Variants in CD163L1 observed in about 807,000 individuals in gnomAD.
CD163L1 encodes CD163 molecule like 1, also known as scavenger receptor cysteine-rich type 1 protein M160.
CD163L1 carries 124 observed loss-of-function variants against 165.4 expected under a neutral mutation model. That is an observed-to-expected ratio of 0.75 (90% CI 0.65 to 0.87). The LOEUF (loss-of-function observed/expected upper bound fraction) is 0.87, where lower values mean the gene tolerates loss of function less well. Among genes scored for constraint, CD163L1 ranks in the 40% least tolerant of loss-of-function variants. The pLI, the probability that CD163L1 is intolerant of heterozygous loss-of-function variation, is 0.00. For synonymous variants in CD163L1, 585 were observed against 662.2 expected (o/e 0.88, Z 1.79); for missense variants, 1,525 against 1,799.9 (o/e 0.85, Z 2.76).
In CD163L1 at chr12:7,403,752, G is replaced by A. The variant is rs1331132045; in HGVS notation, c.1191C>T (p.Asn397=). The A allele has an allele frequency of 1.5e-5, 24 of 1,613,888 alleles. No homozygotes were observed. Among genetic ancestry groups the A allele is most frequent in the Non-Finnish European group, 2.0e-5 (24 of 1,179,950 alleles). The change falls in exon 6 of 20, where the codon AAC becomes AAT. Residue 397 remains asparagine, a synonymous_variant. Coordinates refer to ENST00000313599, the MANE Select transcript of CD163L1 (RefSeq NM_174941.6). The part of the protein sequence containing the change: ...HEQWWTICDQ[N]WKNEQALVVC... Reference sequence around the variant, plus strand: ...CCACAAGGGCTTGTTCATTCTTCCAGTTCTGGTCACATATTGTCCACCACT... The same window carrying A: ...CCACAAGGGCTTGTTCATTCTTCCAATTCTGGTCACATATTGTCCACCACT...
At position 7,432,618 on chromosome 12, in the gene CD163L1, A is replaced by C. The variant is rs1948648505; in HGVS notation, c.564T>G (p.Thr188=). 2 of 1,614,118 alleles carry C rather than the reference A, an allele frequency of 1.2e-6. No individual in the cohort carries two copies. The highest frequency in any genetic ancestry group is 2.7e-5 in the African/African-American group (2 of 74,940). The change falls in exon 4 of 20, where the codon ACT becomes ACG. Residue 188 remains threonine, a synonymous_variant. Coordinates refer to ENST00000313599, the MANE Select transcript of CD163L1 (RefSeq NM_174941.6). This position sits in a 1 kb window ranked among gnomAD's most constrained non-coding sequence, Gnocchi z 4.2. The part of the protein sequence containing the change: ...TICDDGWNLN[T]AAVVCRQLGC... Reference sequence around the variant, plus strand: ...CTAGTTGCCTGCACACCACGGCAGCAGTATTCAAGTTCCACCCATCATCAC... The same window carrying C: ...CTAGTTGCCTGCACACCACGGCAGCCGTATTCAAGTTCCACCCATCATCAC...
intron 8 of CD163L1, among the ~76,000 whole-genome samples, chr12:7,395,275 T>C (rs1382676349): frequency 2.6e-5 from 4 of 152,054 alleles, no homozygotes; most frequent in Non-Finnish European, 5.9e-5. Flanking sequence ...TAAAAAAGGA[T>C]GAGTTCATGT....
chr12:7,412,321 G>A (rs1012948339), intron 4 of CD163L1, among the ~76,000 whole-genome samples: 1 of 152,124 alleles, frequency 6.6e-6, no homozygotes, highest in African/African-American at 2.4e-5. Flanking sequence ...TAGACTCCCA[G>A]GAAATGGGTT....
chr12:7,424,840 A>C (rs1948512079), intron 4 of CD163L1, among the ~76,000 whole-genome samples: 1 of 152,214 alleles, frequency 6.6e-6, no homozygotes, highest in Admixed American at 6.6e-5. Flanking sequence ...CAGACAGGAC[A>C]CAAACAAATG....
Position 7,357,399 on chromosome 12 carries a change from TAA to T in CD163L1, c.*3_*4del. ...ACTTACCTGGTGAGCCCTGGAAGTC[TAA>T]AGTCATTTTGTGGCTTCAGAGGCAG... On this transcript the variant is annotated 3_prime_UTR_variant, in exon 19 of 20. Transcript: ENST00000313599. 6.2e-7 allele frequency: 1 copy of T among 1,612,160 alleles called. No homozygotes were observed. The highest frequency in any genetic ancestry group is 1.3e-5 in the African/African-American group (1 of 74,962).
rs141632814 is a variant in CD163L1 at position 7,438,464 on chromosome 12, T to C, written c.124+2690A>G. Among the ~76,000 whole-genome samples the C allele has an allele frequency of 7.1e-3, 1,085 of 152,288 alleles. 15 individuals are homozygous for C. The highest frequency in any genetic ancestry group is 0.025 in the African/African-American group (1,028 of 41,566). ...ACAGGGGAAATGACCAAGCAGGATG[T>C]GAAAAGCTAATAAAATAAGCTGATG... On this transcript the variant is annotated intron_variant, in intron 2 of 19. Transcript: ENST00000313599.
Position 7,432,542 on chromosome 12 carries a change from A to G in CD163L1, c.640T>C (p.Leu214=). The change falls in exon 4 of 20, where the codon TTG becomes CTG. Residue 214 remains leucine (L), a synonymous_variant. Transcript: ENST00000313599. This position sits in a 1 kb window ranked among gnomAD's most constrained non-coding sequence, Gnocchi z 4.2. ...SSGVVNSPAV[L]RPIWLDDILC... is the part of the protein sequence containing the mutation. ...ATGTCATCCAGCCAAATGGGGCGCA[A>G]TACAGCAGGGCTATTAACAACTCCA... 3 of 1,614,214 alleles carry G rather than the reference A, an allele frequency of 1.9e-6. No homozygotes were observed. The highest frequency in any genetic ancestry group is 2.5e-6 in the Non-Finnish European group (3 of 1,180,030).
chr12:7,329,238 A>G, the CD163L1 span, among the ~76,000 whole-genome samples: 4 of 148,406 alleles, frequency 2.7e-5, no homozygotes, highest in Admixed American at 2.7e-4. Context: ...AGTACAGAAT[A>G]CCAATCTTTA....
the CD163L1 span, among the ~76,000 whole-genome samples, chr12:7,336,509 G>A: frequency 2.0e-5 from 3 of 152,110 alleles, no homozygotes; most frequent in Non-Finnish European, 4.4e-5. Flanking sequence ...GGACTGTTGT[G>A]GGGTGAGGGG....
At position 7,432,386 on chromosome 12, in the gene CD163L1, T is replaced by A. The variant is rs1284110406; in HGVS notation, c.766+30A>T. 6.6e-7 allele frequency: 1 copy of A among 1,518,268 alleles called. No individual in the cohort carries two copies. Among genetic ancestry groups the A allele is most frequent in the Middle Eastern group, 1.7e-4 (1 of 5,718 alleles). 94.0% of individuals were successfully genotyped at this position (1,518,268 alleles called of 1,614,324 possible). On this transcript the variant is annotated intron_variant, in intron 4 of 19. Transcript: ENST00000313599. This position sits in a 1 kb window ranked among gnomAD's most constrained non-coding sequence, Gnocchi z 4.2. ...ATACTGTTTCTAAACAAATTGTTCC[T>A]TTCTTCTACATGATGTCTTGGGTTC...
At chr12:7,349,698 C>G (rs1011433317) in intron 4 of CD163L1, among the ~76,000 whole-genome samples, 1 of 152,128 alleles carries the variant, frequency 6.6e-6, no homozygotes, top group African/African-American at 2.4e-5. Context: ...TTGTACTATG[C>G]TTTGGGCATT....
chr12:7,333,947 T>G, the CD163L1 span, among the ~76,000 whole-genome samples: 8 of 152,140 alleles, frequency 5.3e-5, no homozygotes, highest in East Asian at 1.4e-3. Context: ...CAGGAAGAAG[T>G]TGAATCTCTG....
chr12:7,329,610 G>T, the CD163L1 span, among the ~76,000 whole-genome samples: 2 of 150,496 alleles, frequency 1.3e-5, no homozygotes, highest in Non-Finnish European at 3.0e-5. Context: ...TGTTTTTTTT[G>T]TTTGTTTGTG....
At chr12:7,411,516 AACCTGGC>A (rs1323887030) in intron 4 of CD163L1, among the ~76,000 whole-genome samples, 11 of 152,064 alleles carry the variant, frequency 7.2e-5, no homozygotes, top group Admixed American at 7.2e-4. Context: ...TTGTTTAGAG[AACCTGGC>A]ACCTGGCACC....
chr12:7,363,654 C>T (rs1046701416), intron 18 of CD163L1, among the ~76,000 whole-genome samples: 8 of 151,516 alleles, frequency 5.3e-5, no homozygotes, highest in African/African-American at 1.9e-4. Flanking sequence ...CAACTATAGA[C>T]CAACAATTTG....
rs887693463 is a variant in CD163L1, at chr12:7,369,994, T to C, written c.3731-329A>G. Among the ~76,000 whole-genome samples, 1 of 152,210 alleles carries C rather than the reference T, an allele frequency of 6.6e-6. No homozygotes were observed. The highest frequency in any genetic ancestry group is 1.5e-5 in the Non-Finnish European group (1 of 68,036). On this transcript the variant is annotated intron_variant, in intron 14 of 19. Coordinates refer to ENST00000313599, the MANE Select transcript of CD163L1 (RefSeq NM_174941.6). This position sits in a 1 kb window ranked among gnomAD's most constrained non-coding sequence, Gnocchi z 4.9. ...TGTCCTATCTGACCCAAACATCCTA[T>C]CTTGCCCCTCTCATTTTCACAATTT...
chr12:7,407,551 T>C (rs1948050350), intron 4 of CD163L1, among the ~76,000 whole-genome samples: 2 of 151,454 alleles, frequency 1.3e-5, no homozygotes, highest in Admixed American at 6.6e-5. Context: ...CTTAGCAAAA[T>C]TGACCACTAC....
At position 7,374,160 on chromosome 12, in the gene CD163L1, C is replaced by A. The variant is rs1463036060; in HGVS notation, c.3409+282G>T. ...TTGGACACGGTTGACAGTGTGTTCT[C>A]AGAGCCAGAGTGGATGTCATGTAAG... On this transcript the variant is annotated intron_variant, in intron 13 of 19. Coordinates refer to ENST00000313599, the MANE Select transcript of CD163L1 (RefSeq NM_174941.6). This position sits in a 1 kb window ranked among gnomAD's most constrained non-coding sequence, Gnocchi z 5.4. Among the ~76,000 whole-genome samples, 1 of 152,196 alleles carries A rather than the reference C, an allele frequency of 6.6e-6. No homozygotes were observed. Among genetic ancestry groups the A allele is most frequent in the Non-Finnish European group, 1.5e-5 (1 of 68,028 alleles).
chr12:7,421,174 T>TATGG lies in CD163L1; in HGVS notation c.766+11241_766+11242insCCAT, dbSNP rs1486670191. Among the ~76,000 whole-genome samples, 13 of 136,514 alleles carry TATGG rather than the reference T, an allele frequency of 9.5e-5. No homozygotes were observed. The Admixed American group carries it at 1.0e-3, about 11-fold the overall frequency. 89.6% of individuals were successfully genotyped at this position (136,514 alleles called of 152,430 possible). ...GTATAAATGTATATATATGTATATA[T>TATGG]GTATATATATGTGTATATATGTATA... On this transcript the variant is annotated intron_variant, in intron 4 of 19. Transcript: ENST00000313599.
Sources: allele counts gnomAD v4.1 joint callset (sites outside exome capture counted in the v4.1 genomes callset), GRCh38; gene constraint gnomAD v4.1.1; non-coding constraint Gnocchi (gnomAD v3.1); transcripts MANE v1.5; gene names NCBI Gene and HGNC (gene_info 2026-07-23, HGNC 2026-07-21).